PTPRS: variants seen among roughly 807,000 people sequenced by gnomAD.
PTPRS encodes the protein receptor-type tyrosine-protein phosphatase S.
Under a neutral mutation model 215.3 loss-of-function variants are expected in PTPRS, and 63 were observed. The ratio of observed to expected loss-of-function variants is 0.29; its 90% CI spans 0.24 to 0.36. The LOEUF (loss-of-function observed/expected upper bound fraction) is 0.36, where lower values mean the gene tolerates loss of function less well. Among genes scored for constraint, PTPRS ranks in the 10% least tolerant of loss-of-function variants. The probability of loss-of-function intolerance (pLI) is 1.00; values close to 1 mark genes in which losing one functional copy is unlikely to be tolerated. For missense variants in PTPRS, 2,258 were observed against 2,825.8 expected (o/e 0.80, Z 4.56); for synonymous variants, 1,404 against 1,191.4 (o/e 1.18, Z -3.68).
Position 5,214,688 on chromosome 19 carries a change from C to T in PTPRS, c.4367G>A (p.Arg1456Gln), listed in dbSNP as rs752266796. 1.6e-5 allele frequency: 26 copies of T among 1,612,314 alleles called. No individual in the cohort carries two copies. Among genetic ancestry groups the T allele is most frequent in the South Asian group, 3.3e-5 (3 of 91,060 alleles). Residue 1456 changes from arginine (R) to glutamine (Q), a missense_variant, in exon 29 of 38, where the codon CGG becomes CAG. Physicochemically the swap from Arg to Gln is conservative, Grantham distance 43. Around this residue, in one of 6 missense-constraint regions of PTPRS, gnomAD observed 927 missense variants for 1,125.9 expected, o/e 0.82. Coordinates refer to ENST00000262963, the MANE Select transcript of PTPRS (RefSeq NM_002850.4). Reference protein sequence around the residue: ...YINANYVDGYRCQNAYIATQG... With the variant: ...YINANYVDGYQCQNAYIATQG... ...CGTGGCAATGTACGCGTTCTGACAC[C>T]GGTAGCCGTCCACGTAGTTGGCATT...
chr19:5,329,573 G>T (rs1176130130), intron 1 of PTPRS, among the ~76,000 whole-genome samples: 2 of 151,210 alleles, frequency 1.3e-5, no homozygotes, highest in Non-Finnish European at 1.5e-5. Context: ...AGACCATCCT[G>T]GCTAACACAG....
rs1476376062 is a variant in PTPRS, at chr19:5,244,140, A to C, written c.1331T>G (p.Ile444Ser). Residue 444 changes from isoleucine to serine, a missense_variant, in exon 11 of 38, where the codon ATT becomes AGT. Around this residue, in one of 6 missense-constraint regions of PTPRS, gnomAD observed 508 missense variants for 799.4 expected, o/e 0.64. Coordinates refer to ENST00000262963, the MANE Select transcript of PTPRS (RefSeq NM_002850.4). This position sits in a 1 kb window ranked among gnomAD's most constrained non-coding sequence, Gnocchi z 7.2. ...QARMLSATTM[I>S]VQWEEPVEPN... is the part of the protein sequence containing the mutation. ...CTCCACCGGCTCCTCCCACTGCACA[A>C]TCATGGTGGTCGCGCTGAGCATCCG... 1 of 1,604,606 alleles carries C rather than the reference A, an allele frequency of 6.2e-7. No individual in the cohort carries two copies. The highest frequency in any genetic ancestry group is 8.5e-7 in the Non-Finnish European group (1 of 1,176,040).
In PTPRS at chr19:5,244,707, TCTCA is replaced by T. The variant is rs1444387184; in HGVS notation, c.989-229_989-226del. On this transcript the variant is annotated intron_variant, in intron 10 of 37. Coordinates refer to ENST00000262963, the MANE Select transcript of PTPRS (RefSeq NM_002850.4). The surrounding 1 kb of genome is among the most constrained non-coding windows in gnomAD (Gnocchi z 7.2). ...TTTTTAATTTTTCTTTGAGATGGAGTCTCACTCTGTCACCCACAGTGGCACGATC... is the reference window on the plus strand; with the variant it reads ...TTTTTAATTTTTCTTTGAGATGGAGTCTCTGTCACCCACAGTGGCACGATC... Among the ~76,000 whole-genome samples the T allele has an allele frequency of 6.6e-6, 1 of 151,972 alleles. No individual in the cohort carries two copies. Among genetic ancestry groups the T allele is most frequent in the African/African-American group, 2.4e-5 (1 of 41,344 alleles).
At chr19:5,340,341 CA>C (rs1395705111) in intron 1 of PTPRS, among the ~76,000 whole-genome samples, 1 of 151,134 alleles carries the variant, frequency 6.6e-6, no homozygotes, top group Non-Finnish European at 1.5e-5. Flanking sequence ...CGGCGCTGGG[CA>C]GCTTCCAATG....
chr19:5,276,596 A>G (rs1169088728), intron 2 of PTPRS, among the ~76,000 whole-genome samples: 2 of 151,160 alleles, frequency 1.3e-5, no homozygotes, highest in Non-Finnish European at 2.9e-5. Context: ...GCTGGAGTGC[A>G]GTGGTGCGAT....
intron 11 of PTPRS, among the ~76,000 whole-genome samples, chr19:5,242,212 T>C (rs1262750941): frequency 2.0e-5 from 3 of 151,988 alleles, no homozygotes; most frequent in Non-Finnish European, 4.4e-5. Flanking sequence ...AAAACTCAAA[T>C]GCCAACAGGG....
intron 4 of PTPRS, among the ~76,000 whole-genome samples, chr19:5,266,686 C>G (rs1163544499): frequency 6.6e-6 from 1 of 152,202 alleles, no homozygotes; most frequent in Admixed American, 6.5e-5. Flanking sequence ...ATAAACCACA[C>G]TGCTCCCCCG....
Position 5,257,351 on chromosome 19 carries a change from A to C in PTPRS, c.706+666T>G. On this transcript the variant is annotated intron_variant, in intron 8 of 37. Transcript: ENST00000262963. This position sits in a 1 kb window ranked among gnomAD's most constrained non-coding sequence, Gnocchi z 4.4. Reference sequence around the variant, plus strand: ...CTTCGCTGGGTGCCGTGCCTGCCCCAGCTCGGTGCAACTACCGAGCCCCCC... The same window carrying C: ...CTTCGCTGGGTGCCGTGCCTGCCCCCGCTCGGTGCAACTACCGAGCCCCCC... The C allele has an allele frequency of 2.2e-6, 1 of 448,782 alleles. No individual in the cohort carries two copies. The highest frequency in any genetic ancestry group is 7.1e-5 in the East Asian group (1 of 14,140). 27.8% of individuals were successfully genotyped at this position (448,782 alleles called of 1,614,324 possible).
intron 1 of PTPRS, among the ~76,000 whole-genome samples, chr19:5,329,747 A>T (rs1475387929): frequency 2.0e-5 from 3 of 150,174 alleles, no homozygotes; most frequent in Non-Finnish European, 4.4e-5. Flanking sequence ...CCTGGGCAAC[A>T]GAGCAACACT....
At chr19:5,227,436 T>TAA (rs1568420367) in intron 16 of PTPRS, among the ~76,000 whole-genome samples, 7 of 144,562 alleles carry the variant, frequency 4.8e-5, no homozygotes, top group Non-Finnish European at 1.1e-4. Flanking sequence ...TTTTTGGACA[T>TAA]AGAGTTTCGC....
chr19:5,241,735 A>G (rs1356486028), intron 11 of PTPRS, among the ~76,000 whole-genome samples: 1 of 152,124 alleles, frequency 6.6e-6, no homozygotes, highest in East Asian at 1.9e-4. Flanking sequence ...GAAAGGGTCA[A>G]ACACTCCCAG....
intron 1 of PTPRS, among the ~76,000 whole-genome samples, chr19:5,318,176 A>G (rs1314224804): frequency 6.6e-6 from 1 of 151,746 alleles, no homozygotes; most frequent in Non-Finnish European, 1.5e-5. Flanking sequence ...GTCTCCAAAA[A>G]AAAAAAAAAT....
chr19:5,277,639 G>C, intron 2 of PTPRS: 1 of 420,202 alleles, frequency 2.4e-6, no homozygotes, highest in East Asian at 5.5e-5. Flanking sequence ...CTGGGCGACA[G>C]AGTGAGACTC....
In PTPRS at chr19:5,240,223, G is replaced by A. The variant is rs561001327; in HGVS notation, c.1680C>T (p.Phe560=). Residue 560 remains phenylalanine (F), a synonymous_variant, in exon 12 of 38, where the codon TTC becomes TTT. Coordinates refer to ENST00000262963, the MANE Select transcript of PTPRS (RefSeq NM_002850.4). ...CCTCCCGGCCATGGTCGCCTTCCCG[G>A]AAGAGGAGCTCGTACTTGATGATAC... ...QESIIKYELL[F]REGDHGREVG... 14 of 1,555,338 alleles carry A rather than the reference G, an allele frequency of 9.0e-6. No homozygotes were observed. Among genetic ancestry groups the A allele is most frequent in the South Asian group, 7.2e-5 (6 of 83,864 alleles).
intron 22 of PTPRS, 126 bp downstream of exon 22, chr19:5,219,813 C>A: frequency 8.9e-7 from 1 of 1,120,418 alleles, no homozygotes; most frequent in Non-Finnish European, 1.3e-6. Context: ...CCAAGTCTTC[C>A]CCTCTGCCCA....
chr19:5,323,478 G>A (rs578038178), intron 1 of PTPRS, among the ~76,000 whole-genome samples: 1 of 152,392 alleles, frequency 6.6e-6, no homozygotes, highest in East Asian at 1.9e-4. Flanking sequence ...TAAATAGGGT[G>A]ATCGGGGAGG....
intron 1 of PTPRS, among the ~76,000 whole-genome samples, chr19:5,312,324 C>G (rs185094909): frequency 6.6e-6 from 1 of 151,992 alleles, no homozygotes; most frequent in South Asian, 2.1e-4. Flanking sequence ...ATGTGTGGGA[C>G]GAGAAGGTGA....
In PTPRS at chr19:5,274,265, C is replaced by A. The variant is rs748525247; in HGVS notation, c.171G>T (p.Thr57=). ...AGGTCACTCGTGGCTTGGGGTCACC[C>A]GTGGCCTGACACACGAAAGAGGCCA... ...GGVASFVCQA[T]GDPKPRVTWN... is the part of the protein sequence containing the mutation. Residue 57 remains threonine, a synonymous_variant, in exon 3 of 38, where the codon ACG becomes ACT. Coordinates refer to ENST00000262963, the MANE Select transcript of PTPRS (RefSeq NM_002850.4). 6.2e-7 allele frequency: 1 copy of A among 1,613,976 alleles called. No homozygotes were observed. The highest frequency in any genetic ancestry group is 8.5e-7 in the Non-Finnish European group (1 of 1,179,984).
rs1599409247 is a variant in PTPRS at position 5,216,827 on chromosome 19, T to TCTGCCTCCCCCACCC, written c.4049-75_4049-61dup. 3 of 1,130,996 alleles carry TCTGCCTCCCCCACCC rather than the reference T, an allele frequency of 2.7e-6. No individual in the cohort carries two copies. In the East Asian group the frequency reaches 7.7e-5, roughly 29 times the overall value. The allele number at this position is 1,130,996 out of a possible 1,614,324, so 70.1% of individuals were successfully genotyped here. A position where few individuals can be genotyped will look rare whatever the true frequency, so the allele number is the denominator to read the frequency against. ...GCAGGGGGTAGGGGGGGGTCCCACCTCTGCCTCCCCCACCCCTCACTGGCT... is the reference window on the plus strand; with the variant it reads ...GCAGGGGGTAGGGGGGGGTCCCACCTCTGCCTCCCCCACCCCTGCCTCCCCCACCCCTCACTGGCT... On this transcript the variant is annotated intron_variant, in intron 25 of 37. Coordinates refer to ENST00000262963, the MANE Select transcript of PTPRS (RefSeq NM_002850.4).
Sources: allele counts gnomAD v4.1 joint callset (sites outside exome capture counted in the v4.1 genomes callset), GRCh38; gene constraint gnomAD v4.1.1; regional missense constraint gnomAD v4.1.1; non-coding constraint Gnocchi (gnomAD v3.1); transcripts MANE v1.5; gene names NCBI Gene and HGNC (gene_info 2026-07-23, HGNC 2026-07-21).